Variants in OVCH2 observed in about 807,000 individuals in gnomAD.
OVCH2 encodes the protein ovochymase-2.
In OVCH2, 88 loss-of-function variants were observed where a neutral mutation model predicts 73.7. The ratio of observed to expected loss-of-function variants is 1.19; its 90% CI spans 1.01 to 1.43. The LOEUF is 1.43. Among genes scored for constraint, OVCH2 ranks in the 40% most tolerant of loss-of-function variants. OVCH2 has a pLI of 0.00. For synonymous variants in OVCH2, 265 were observed against 234.5 expected, an observed-to-expected ratio of 1.13 and a Z score of -1.19; for missense variants, 706 against 674.5, an observed-to-expected ratio of 1.05 and a Z score of -0.52.
chr11:7,688,535 A>G (rs1231068001), downstream of OVCH2, among the ~76,000 whole-genome samples: 9 of 152,208 alleles, frequency 5.9e-5, no homozygotes, highest in African/African-American at 2.2e-4. Context: ...AAGCCAGAAC[A>G]AAGAGACCCC....
chr11:7,701,436 G>A lies in OVCH2; in HGVS notation c.599C>T (p.Pro200Leu), dbSNP rs1233391276. Residue 200 changes from proline to leucine, a missense_variant, in exon 6 of 16, where the codon CCT becomes CTT. Transcript: ENST00000533663. ...LSQVLQEVNLPILTWEECVAA... is the reference protein window; with the variant it reads ...LSQVLQEVNLLILTWEECVAA... ...CACACACTCTTCCCAGGTCAAAATA[G>A]GCAGATTCACTTCCTGCAAGACTTG... The A allele has an allele frequency of 6.2e-7, 1 of 1,612,410 alleles. No homozygotes were observed. The highest frequency in any genetic ancestry group is 8.5e-7 in the Non-Finnish European group (1 of 1,179,366).
At chr11:7,694,041 C>G (rs1172812038) in intron 12 of OVCH2, among the ~76,000 whole-genome samples, 1 of 152,166 alleles carries the variant, frequency 6.6e-6, no homozygotes, top group Admixed American at 6.5e-5. Context: ...GTTCTCCTCC[C>G]ACATCTCAGA....
At chr11:7,686,528 G>A (rs1856143472), downstream of OVCH2, among the ~76,000 whole-genome samples, 2 of 152,152 alleles carry the variant, frequency 1.3e-5, no homozygotes. Context: ...ACAGACATTT[G>A]TTGTTAAATA....
rs768597121 is a variant in OVCH2, at chr11:7,689,972, T to C, written c.1681A>G (p.Met561Val). Residue 561 changes from methionine (M) to valine (V), a missense_variant, in exon 15 of 16, where the codon ATG (methionine) becomes GTG (valine). By Grantham distance (21) the Met-to-Val change is conservative. Transcript: ENST00000533663. ...GGCACATCTCATGTCTCCAGAAACATTGATTCATCCTCTGATATGGAGATG... is the reference window on the plus strand; with the variant it reads ...GGCACATCTCATGTCTCCAGAAACACTGATTCATCCTCTGATATGGAGATG... ...LNISISEDES[M>V]FLET is the part of the protein sequence containing the mutation. The C allele has an allele frequency of 1.3e-5, 20 of 1,527,824 alleles. No individual in the cohort carries two copies. In the East Asian group the frequency reaches 2.7e-4, roughly 21 times the overall value. The allele number at this position is 1,527,824 out of a possible 1,614,324, so 94.6% of individuals were successfully genotyped here. A position where few individuals can be genotyped will look rare whatever the true frequency, so the allele number is the denominator to read the frequency against.
chr11:7,684,379 T>C, the OVCH2 span, among the ~76,000 whole-genome samples: 2 of 151,978 alleles, frequency 1.3e-5, no homozygotes, highest in Non-Finnish European at 2.9e-5. Flanking sequence ...CTTGACACAG[T>C]TGAGTTTCTG....
downstream of OVCH2, among the ~76,000 whole-genome samples, chr11:7,688,379 T>C (rs1856166210): frequency 6.6e-6 from 1 of 152,212 alleles, no homozygotes; most frequent in African/African-American, 2.4e-5. Flanking sequence ...TATGATATTC[T>C]CTTTTTTGGT....
intron 14 of OVCH2, 104 bp from the exon 15 acceptor site, chr11:7,690,117 C>T: frequency 6.2e-6 from 5 of 800,958 alleles, no homozygotes; most frequent in Non-Finnish European, 1.0e-5. Context: ...TTCTGGGGCA[C>T]CTCAGCCAGC....
At chr11:7,698,679 A>G (rs1856379314) in intron 8 of OVCH2, 71 bp downstream of exon 8, 3 of 1,519,468 alleles carry the variant, frequency 2.0e-6, no homozygotes, top group Non-Finnish European at 2.7e-6. Flanking sequence ...GGAAGACTTC[A>G]GGAACTGATA....
intron 3 of OVCH2, among the ~76,000 whole-genome samples, chr11:7,702,638 G>A (rs983399119): frequency 1.3e-4 from 20 of 152,260 alleles, no homozygotes; most frequent in Admixed American, 6.5e-4. Flanking sequence ...ACAGCTATAG[G>A]GGACTTTATT....
chr11:7,694,919 C>G (rs904911419), intron 12 of OVCH2, 139 bp downstream of exon 12: 1 of 919,324 alleles, frequency 1.1e-6, no homozygotes, highest in African/African-American at 1.8e-5. Context: ...TTATTGACAG[C>G]TTTGTGTGTC....
chr11:7,701,731 C>G lies in OVCH2; in HGVS notation c.544G>C (p.Gly182Arg), dbSNP rs1856442177. Residue 182 changes from glycine (G) to arginine (R), a missense_variant, in exon 5 of 16, where the codon GGC becomes CGC. Coordinates refer to ENST00000533663, the MANE Select transcript of OVCH2 (RefSeq NM_198185.7). ...AGFICTTAGW[G>R]RLTEGGVLSQ... ...AAGTTCTTACCTTCAGTTAAGCGGC[C>G]CCAGCCTGCAGTTGTACAAATAAAA... 1 of 1,611,754 alleles carries G rather than the reference C, an allele frequency of 6.2e-7. No homozygotes were observed. The highest frequency in any genetic ancestry group is 2.2e-5 in the East Asian group (1 of 44,658).
chr11:7,679,295 G>A, the OVCH2 span, among the ~76,000 whole-genome samples: 2 of 152,222 alleles, frequency 1.3e-5, no homozygotes, highest in African/African-American at 4.8e-5. Flanking sequence ...ATAATGAGTT[G>A]ACTGATTGTT....
intron 14 of OVCH2, among the ~76,000 whole-genome samples, chr11:7,690,775 CT>C (rs1032262960): frequency 2.0e-5 from 3 of 152,066 alleles, no homozygotes; most frequent in African/African-American, 7.2e-5. Flanking sequence ...TTTAGTGGCA[CT>C]TTTTTTTCAT....
downstream of OVCH2, among the ~76,000 whole-genome samples, chr11:7,687,624 CA>C (rs1856157060): frequency 6.6e-6 from 1 of 152,112 alleles, no homozygotes; most frequent in African/African-American, 2.4e-5. Context: ...TACAACATCC[CA>C]GTGGCCAAAT....
In OVCH2 at chr11:7,694,995, G is replaced by A; in HGVS notation, c.1413+63C>T. 3.3e-6 allele frequency: 5 copies of A among 1,502,936 alleles called. No individual in the cohort carries two copies. The South Asian group carries it at 6.3e-5, about 19-fold the overall frequency. 93.1% of individuals were successfully genotyped at this position (1,502,936 alleles called of 1,614,324 possible). On this transcript the variant is annotated intron_variant, in intron 12 of 15. Coordinates refer to ENST00000533663, the MANE Select transcript of OVCH2 (RefSeq NM_198185.7). The stretch of plus-strand genomic sequence containing the variant: ...AATCAGATAAAACCTCTGACCTCAT[G>A]GTGCTTATGTTAGCTATTCTGTGAA...
At chr11:7,682,098 C>T in the OVCH2 span, among the ~76,000 whole-genome samples, 1 of 152,138 alleles carries the variant, frequency 6.6e-6, no homozygotes, top group Admixed American at 6.6e-5. Context: ...ATTCTAAAAC[C>T]TTCATTTTCA....
intron 4 of OVCH2, 109 bp downstream of exon 4, chr11:7,702,048 C>T (rs1019816561): frequency 2.8e-6 from 3 of 1,059,054 alleles, no homozygotes; most frequent in Middle Eastern, 2.1e-4. Context: ...AGCCTAAATT[C>T]CTATCTCAAA....
Position 7,689,976 on chromosome 11 carries a change from T to A in OVCH2, c.1677A>T (p.Glu559Asp). The part of the protein sequence containing the change: ...PDLNISISED[E>D]SMFLET ...CATCTCATGTCTCCAGAAACATTGATTCATCCTCTGATATGGAGATGTTTA... is the reference window on the plus strand; with the variant it reads ...CATCTCATGTCTCCAGAAACATTGAATCATCCTCTGATATGGAGATGTTTA... The change falls in exon 15 of 16, where the codon GAA becomes GAT. Residue 559 changes from glutamate (E) to aspartate (D), a missense_variant. By Grantham distance (45) the Glu-to-Asp change is conservative. Transcript: ENST00000533663. 6.6e-7 allele frequency: 1 copy of A among 1,525,726 alleles called. No homozygotes were observed. The highest frequency in any genetic ancestry group is 2.4e-5 in the East Asian group (1 of 40,880). The allele number at this position is 1,525,726 out of a possible 1,614,324, so 94.5% of individuals were successfully genotyped here.
intron 8 of OVCH2, among the ~76,000 whole-genome samples, chr11:7,697,519 T>G (rs1397825588): frequency 6.6e-6 from 1 of 152,198 alleles, no homozygotes; most frequent in Admixed American, 6.5e-5. Flanking sequence ...TATGACGGTT[T>G]CCTAGCTGTC....
Sources: allele counts gnomAD v4.1 joint callset (sites outside exome capture counted in the v4.1 genomes callset), GRCh38; gene constraint gnomAD v4.1.1; transcripts MANE v1.5; gene names NCBI Gene and HGNC (gene_info 2026-07-23, HGNC 2026-07-21).